DMXL2: variants seen among roughly 807,000 people sequenced by gnomAD.
DMXL2 encodes the protein Dmx like 2.
In DMXL2, 103 loss-of-function variants were observed where a neutral mutation model predicts 331.1. The ratio of observed to expected loss-of-function variants is 0.31; its 90% CI spans 0.27 to 0.37. DMXL2 has a LOEUF of 0.37. DMXL2 is among the 10% of genes least tolerant of loss of function. The pLI, the probability that DMXL2 is intolerant of heterozygous loss-of-function variation, is 1.00. For missense variants in DMXL2, 3,171 were observed against 3,642.9 expected (o/e 0.87, Z 3.33); for synonymous variants, 1,281 against 1,252.1 (o/e 1.02, Z -0.49).
intron 1 of DMXL2, 142 bp from the exon 2 acceptor site, chr15:51,576,323 C>T (rs2051041647): frequency 3.3e-6 from 2 of 601,048 alleles, no homozygotes; most frequent in Middle Eastern, 4.7e-4. Flanking sequence ...AATATAATAT[C>T]AATTTCTAAA....
intron 15 of DMXL2, among the ~76,000 whole-genome samples, chr15:51,510,081 C>G (rs2046662561): frequency 6.6e-6 from 1 of 152,168 alleles, no homozygotes; most frequent in Non-Finnish European, 1.5e-5. Context: ...CTATTTATGA[C>G]AAACCCACAG....
intron 15 of DMXL2, among the ~76,000 whole-genome samples, chr15:51,510,402 A>G (rs2046685564): frequency 6.6e-6 from 1 of 152,194 alleles, no homozygotes; most frequent in South Asian, 2.1e-4. Context: ...AAGCATTCCT[A>G]TACACCAATA....
intron 23 of DMXL2, among the ~76,000 whole-genome samples, chr15:51,485,347 C>T (rs2042315930): frequency 6.6e-6 from 1 of 152,120 alleles, no homozygotes; most frequent in Non-Finnish European, 1.5e-5. Context: ...CATTTTTATT[C>T]CCAAAAGGTA....
chr15:51,482,122 C>T (rs1846504216), intron 23 of DMXL2, among the ~76,000 whole-genome samples: 1 of 152,116 alleles, frequency 6.6e-6, no homozygotes, highest in South Asian at 2.1e-4. Context: ...AAAACCAAAT[C>T]TAAACCACAA....
chr15:51,451,479 T>C (rs894004751), intron 42 of DMXL2, among the ~76,000 whole-genome samples, 166 bp downstream of exon 42: 1 of 152,228 alleles, frequency 6.6e-6, no homozygotes, highest in African/African-American at 2.4e-5. Context: ...AAGCCAGATA[T>C]GCTAATTAAC....
rs887096747 is a variant in DMXL2, at chr15:51,542,459, C to G, written c.979G>C (p.Val327Leu). The change falls in exon 9 of 44, where the codon GTT becomes CTT. Residue 327 changes from valine to leucine, a missense_variant. By Grantham distance (32) the Val-to-Leu change is conservative (BLOSUM62 1). Transcript: ENST00000560891. ...NLRKGQRRSSVLVTHAELMPD... is the reference protein window; with the variant it reads ...NLRKGQRRSSLLVTHAELMPD... ...ATTAATTCAGCATGAGTTACAAGAA[C>G]AGATGACCTCCTCTGTCCTTTCCTT... is the stretch of plus-strand genomic sequence containing the variant. 7 of 1,613,772 alleles carry G rather than the reference C, an allele frequency of 4.3e-6. No individual in the cohort carries two copies. The highest frequency in any genetic ancestry group is 4.5e-5 in the East Asian group (2 of 44,846).
In DMXL2 at chr15:51,498,798, C is replaced by A. The variant is rs1416991814; in HGVS notation, c.4426G>T (p.Asp1476Tyr). 6.2e-7 allele frequency: 1 copy of A among 1,614,098 alleles called. No individual in the cohort carries two copies. Among genetic ancestry groups the A allele is most frequent in the Admixed American group, 1.7e-5 (1 of 60,012 alleles). Residue 1476 changes from aspartate to tyrosine, a missense_variant, in exon 18 of 44, where the codon GAT becomes TAT. This residue lies in a region of DMXL2 where 1,674 missense variants were observed against 1,780.2 expected (regional missense o/e 0.94). Transcript: ENST00000560891. ...AAATCAATATCATCCGTTGGTATAT[C>A]CTGGATTTGAAACAGCTCTGAATAC... Reference protein sequence around the residue: ...DQYSELFQIQDIPTDDIDLEP... With the variant: ...DQYSELFQIQYIPTDDIDLEP...
chr15:51,618,028 T>C (rs929933684), intron 1 of DMXL2, among the ~76,000 whole-genome samples: 11 of 152,198 alleles, frequency 7.2e-5, no homozygotes, highest in Non-Finnish European at 1.5e-4. Flanking sequence ...CAATTTCTCT[T>C]AGAAAACAAG....
chr15:51,512,805 ACT>A (rs1259262887), intron 15 of DMXL2, among the ~76,000 whole-genome samples: 1 of 149,972 alleles, frequency 6.7e-6, no homozygotes, highest in Non-Finnish European at 1.5e-5. Flanking sequence ...AGCAAAGCAA[ACT>A]CTGTCTCGGA....
Position 51,498,641 on chromosome 15 carries a change from C to T in DMXL2, c.4583G>A (p.Arg1528His). 1 of 1,614,170 alleles carries T rather than the reference C, an allele frequency of 6.2e-7. No individual in the cohort carries two copies. The highest frequency in any genetic ancestry group is 8.5e-7 in the Non-Finnish European group (1 of 1,180,024). ...LMHSSLPGLT[R>H]LEQMFLVALA... ...AGCTACAAGGAACATCTGCTCCAAA[C>T]GGGTAAGGCCTGGTAGACTTGAGTG... is the stretch of plus-strand genomic sequence containing the variant. The change falls in exon 18 of 44, where the codon CGT becomes CAT. Residue 1528 changes from arginine to histidine, a missense_variant. Physicochemically the swap from Arg to His is conservative, Grantham distance 29. This residue lies in a region of DMXL2 where 252 missense variants were observed against 387.4 expected (regional missense o/e 0.65). Coordinates refer to ENST00000560891, the MANE Select transcript of DMXL2 (RefSeq NM_001378457.1).
At position 51,507,140 on chromosome 15, in the gene DMXL2, A is replaced by C; in HGVS notation, c.2758T>G (p.Cys920Gly). 1.3e-6 allele frequency: 2 copies of C among 1,591,254 alleles called. No individual in the cohort carries two copies. Among genetic ancestry groups the C allele is most frequent in the Non-Finnish European group, 1.7e-6 (2 of 1,167,714 alleles). Residue 920 changes from cysteine (C) to glycine (G), a missense_variant, in exon 16 of 44, where the codon TGT becomes GGT. Transcript: ENST00000560891. ...TAAAACTATAATTACTTACCTAAACATGCTTGTACAGATTTAAGATGAAGG... is the reference window on the plus strand; with the variant it reads ...TAAAACTATAATTACTTACCTAAACCTGCTTGTACAGATTTAAGATGAAGG... ...WHLHLKSVQA[C>G]LAKASEGASS...
At chr15:51,467,537 A>C (rs931412944) in intron 29 of DMXL2, among the ~76,000 whole-genome samples, 33 of 152,184 alleles carry the variant, frequency 2.2e-4, no homozygotes, top group African/African-American at 8.0e-4. Context: ...TAATGTCACT[A>C]ACAGAAAATA....
chr15:51,480,931 C>T lies in DMXL2; in HGVS notation c.6175G>A (p.Ala2059Thr). 1.2e-6 allele frequency: 2 copies of T among 1,613,306 alleles called. No homozygotes were observed. The highest frequency in any genetic ancestry group is 1.7e-6 in the Non-Finnish European group (2 of 1,179,572). The change falls in exon 24 of 44, where the codon GCT becomes ACT. Residue 2059 changes from alanine to threonine, a missense_variant. Physicochemically the swap from Ala to Thr is moderately conservative, Grantham distance 58. This residue lies in a region of DMXL2 where 20 missense variants were observed against 46.3 expected (regional missense o/e 0.43). Coordinates refer to ENST00000560891, the MANE Select transcript of DMXL2 (RefSeq NM_001378457.1). Reference protein sequence around the residue: ...KILMTELRTLATGYEVDGGKL... With the variant: ...KILMTELRTLTTGYEVDGGKL... ...CCTCCATCTACTTCATAACCTGTAG[C>T]CAATGTTCTTAATTCAGTCATAAGG...
chr15:51,506,009 T>C (rs1422747854), intron 16 of DMXL2, among the ~76,000 whole-genome samples: 2 of 152,238 alleles, frequency 1.3e-5, no homozygotes, highest in Non-Finnish European at 2.9e-5. Context: ...AGTTTAGAGA[T>C]TAATCTAAAT....
At position 51,457,519 on chromosome 15, in the gene DMXL2, A is replaced by G. The variant is rs909476138; in HGVS notation, c.8199-53T>C. 1.4e-5 allele frequency: 22 copies of G among 1,588,564 alleles called. No homozygotes were observed. In the African/African-American group the frequency reaches 1.6e-4, roughly 12 times the overall value. Reference sequence around the variant, plus strand: ...GAACATTCCCTTTTCTCTTAACACAAATTCCAACTAAAAATCTTCTTATGT... The same window carrying G: ...GAACATTCCCTTTTCTCTTAACACAGATTCCAACTAAAAATCTTCTTATGT... On this transcript the variant is annotated intron_variant, in intron 36 of 43. Coordinates refer to ENST00000560891, the MANE Select transcript of DMXL2 (RefSeq NM_001378457.1).
intron 2 of DMXL2, among the ~76,000 whole-genome samples, chr15:51,571,050 G>A (rs2050634863): frequency 6.6e-6 from 1 of 152,050 alleles, no homozygotes; most frequent in South Asian, 2.1e-4. Flanking sequence ...CATCTCACAT[G>A]CAGACACACA....
At chr15:51,462,050 G>A (rs2040174346) in intron 33 of DMXL2, among the ~76,000 whole-genome samples, 1 of 152,050 alleles carries the variant, frequency 6.6e-6, no homozygotes, top group South Asian at 2.1e-4. Context: ...GACTCAAAAG[G>A]TCTCTACAGT....
At position 51,566,369 on chromosome 15, in the gene DMXL2, C is replaced by T. The variant is rs113058822; in HGVS notation, c.286-1203G>A. Among the ~76,000 whole-genome samples the T allele has an allele frequency of 7.5e-3, 1,144 of 151,970 alleles. 16 individuals are homozygous for T. Among genetic ancestry groups the T allele is most frequent in the African/African-American group, 0.026 (1,093 of 41,432 alleles). The stretch of plus-strand genomic sequence containing the variant: ...TATTTTTAAACCCTACCACTGCTGA[C>T]CAAACAACAATCACAACAGCATAAC... On this transcript the variant is annotated intron_variant, in intron 3 of 43. Coordinates refer to ENST00000560891, the MANE Select transcript of DMXL2 (RefSeq NM_001378457.1).
At chr15:51,462,180 C>T (rs911911757) in intron 33 of DMXL2, among the ~76,000 whole-genome samples, 8 of 151,974 alleles carry the variant, frequency 5.3e-5, no homozygotes, top group Non-Finnish European at 1.0e-4. Flanking sequence ...GGAAAAAGAA[C>T]AAGTATGGTA....
Sources: allele counts gnomAD v4.1 joint callset (sites outside exome capture counted in the v4.1 genomes callset), GRCh38; gene constraint gnomAD v4.1.1; regional missense constraint gnomAD v4.1.1; transcripts MANE v1.5; gene names NCBI Gene and HGNC (gene_info 2026-07-23, HGNC 2026-07-21).